The following AP2M1 variants were observed in gnomAD, a reference collection of about 807,000 sequenced individuals.
AP2M1 encodes adaptor related protein complex 2 subunit mu 1.
In AP2M1, 5 loss-of-function variants were observed where a neutral mutation model predicts 54.5. The ratio of observed to expected loss-of-function variants is 0.09; its 90% CI spans 0.05 to 0.19. The LOEUF is 0.19. Ranked by LOEUF, AP2M1 falls within the 10% of genes least tolerant of loss-of-function variation. AP2M1 has a pLI of 1.00. For synonymous variants in AP2M1, 186 were observed against 208.2 expected (o/e 0.89, Z 0.92); for missense variants, 178 against 580.2 (o/e 0.31, Z 7.12).
Position 184,180,470 on chromosome 3 carries a change from C to G in AP2M1, c.424-175C>G. ...TCTATTACCAGGAATACAGCTCAAG[C>G]AGTTTCCTTTTGCACTGAGGGGTGG... On this transcript the variant is annotated intron_variant, in intron 4 of 11. Coordinates refer to ENST00000292807, the MANE Select transcript of AP2M1 (RefSeq NM_004068.4). The surrounding 1 kb of genome is among the most constrained non-coding windows in gnomAD (Gnocchi z 4.9). 8.9e-7 allele frequency: 1 copy of G among 1,118,078 alleles called. No individual in the cohort carries two copies. The highest frequency in any genetic ancestry group is 1.3e-6 in the Non-Finnish European group (1 of 770,914). The allele number at this position is 1,118,078 out of a possible 1,614,324, so 69.3% of individuals were successfully genotyped here.
rs2231216 is a variant in AP2M1, at chr3:184,178,853, T to C, written c.75-4T>C. Reference sequence around the variant, plus strand: ...AGCAGGCCCTATGCACTCTTTTCCCTCAGGAGGAACGCAGTGGATGCCTTT... The same window carrying C: ...AGCAGGCCCTATGCACTCTTTTCCCCCAGGAGGAACGCAGTGGATGCCTTT... On this transcript the variant is annotated splice_polypyrimidine_tract_variant and splice_region_variant and intron_variant, in intron 2 of 11. Transcript: ENST00000292807. The surrounding 1 kb of genome is among the most constrained non-coding windows in gnomAD (Gnocchi z 4.9). The C allele has an allele frequency of 0.48, 774,335 of 1,612,810 alleles. 189,975 individuals are homozygous for C. Among genetic ancestry groups the C allele is most frequent in the East Asian group, 0.58 (26,022 of 44,838 alleles).
chr3:184,178,749 TC>T lies in AP2M1; in HGVS notation c.75-107del. 7.2e-7 allele frequency: 1 copy of T among 1,386,936 alleles called. No individual in the cohort carries two copies. The highest frequency in any genetic ancestry group is 9.9e-7 in the Non-Finnish European group (1 of 1,013,840). 85.9% of individuals were successfully genotyped at this position (1,386,936 alleles called of 1,614,324 possible). A position where few individuals can be genotyped will look rare whatever the true frequency, so the allele number is the denominator to read the frequency against. Reference sequence around the variant, plus strand: ...ATTGGCTTTCTTTGGAGTGTGTGTGTCAGACTTCTGCAGAAAGGAGGGTGGG... The same window carrying T: ...ATTGGCTTTCTTTGGAGTGTGTGTGTAGACTTCTGCAGAAAGGAGGGTGGG... On this transcript the variant is annotated intron_variant, in intron 2 of 11. Transcript: ENST00000292807. This position sits in a 1 kb window ranked among gnomAD's most constrained non-coding sequence, Gnocchi z 4.9.
Position 184,181,254 on chromosome 3 carries a change from G to T in AP2M1, c.707+28G>T. On this transcript the variant is annotated intron_variant, in intron 7 of 11. Coordinates refer to ENST00000292807, the MANE Select transcript of AP2M1 (RefSeq NM_004068.4). This position sits in a 1 kb window ranked among gnomAD's most constrained non-coding sequence, Gnocchi z 5.7. ...GCCTGAGGCAGGAGAGCTGGTGGGA[G>T]AGGGTGTCCCTTGGAGGGCTCAGTG... 6.2e-7 allele frequency: 1 copy of T among 1,613,302 alleles called. No homozygotes were observed. The highest frequency in any genetic ancestry group is 1.3e-5 in the African/African-American group (1 of 75,072).
rs1325820757 is a variant in AP2M1, at chr3:184,182,163, A to T, written c.976A>T (p.Thr326Ser). ...LAQKIEVRIP[T>S]PLNTSGVQVI... The stretch of plus-strand genomic sequence containing the variant: ...GTGTCACTTCTAGGTGAGGATCCCA[A>T]CCCCACTGAACACAAGCGGGGTGCA... The change falls in exon 10 of 12, where the codon ACC becomes TCC. Residue 326 changes from threonine (T) to serine (S), a missense_variant. Thr to Ser is a moderately conservative substitution (Grantham distance 58). This residue lies in a region of AP2M1 where 59 missense variants were observed against 176.8 expected (regional missense o/e 0.33). Transcript: ENST00000292807. This position sits in a 1 kb window ranked among gnomAD's most constrained non-coding sequence, Gnocchi z 5.5. 6.2e-7 allele frequency: 1 copy of T among 1,614,106 alleles called. No individual in the cohort carries two copies. The highest frequency in any genetic ancestry group is 8.5e-7 in the Non-Finnish European group (1 of 1,179,994).
In AP2M1 at chr3:184,182,640, TCTC is replaced by T. The variant is rs767868480; in HGVS notation, c.1062-114_1062-112del. 34 of 806,222 alleles carry T rather than the reference TCTC, an allele frequency of 4.2e-5. No homozygotes were observed. In the East Asian group the frequency reaches 4.2e-4, roughly 10 times the overall value. 49.9% of individuals were successfully genotyped at this position (806,222 alleles called of 1,614,324 possible). On this transcript the variant is annotated intron_variant, in intron 10 of 11. Transcript: ENST00000292807. This position sits in a 1 kb window ranked among gnomAD's most constrained non-coding sequence, Gnocchi z 5.5. ...AGTGGTTAGCAGGGTCCTGACCACT[TCTC>T]CTTGTTCTGGCACCTCCTGCAAGCT...
chr3:184,181,611 G>C lies in AP2M1; in HGVS notation c.708-85G>C. ...TTCTAGCAGCTTTTCATAGTCTCTGGTGCCAGCCTGGGGTGGAGTGGTCTC... is the reference window on the plus strand; with the variant it reads ...TTCTAGCAGCTTTTCATAGTCTCTGCTGCCAGCCTGGGGTGGAGTGGTCTC... On this transcript the variant is annotated intron_variant, in intron 7 of 11. Coordinates refer to ENST00000292807, the MANE Select transcript of AP2M1 (RefSeq NM_004068.4). The surrounding 1 kb of genome is among the most constrained non-coding windows in gnomAD (Gnocchi z 5.7). The C allele has an allele frequency of 6.5e-7, 1 of 1,545,130 alleles. No individual in the cohort carries two copies. The highest frequency in any genetic ancestry group is 8.9e-7 in the Non-Finnish European group (1 of 1,129,746).
In AP2M1 at chr3:184,180,117, G is replaced by A. The variant is rs926733672; in HGVS notation, c.341-52G>A. 3 of 1,580,394 alleles carry A rather than the reference G, an allele frequency of 1.9e-6. No homozygotes were observed. Among genetic ancestry groups the A allele is most frequent in the Non-Finnish European group, 2.6e-6 (3 of 1,150,596 alleles). On this transcript the variant is annotated intron_variant, in intron 3 of 11. Coordinates refer to ENST00000292807, the MANE Select transcript of AP2M1 (RefSeq NM_004068.4). This position sits in a 1 kb window ranked among gnomAD's most constrained non-coding sequence, Gnocchi z 4.9. ...GTCAGATGTGTAGGCCCAAGTAGGG[G>A]CTGGAATGAAGAAGCTCTGTCCAGG...
chr3:184,176,321 C>G (rs1715071553), intron 1 of AP2M1, among the ~76,000 whole-genome samples: 1 of 152,164 alleles, frequency 6.6e-6, no homozygotes, highest in African/African-American at 2.4e-5. Context: ...GTGCCCTTTG[C>G]CTGCTTATTC....
At position 184,182,276 on chromosome 3, in the gene AP2M1, C is replaced by T; in HGVS notation, c.1061+28C>T. The stretch of plus-strand genomic sequence containing the variant: ...GAGTCTTTCCTTCATTAGGCCACAG[C>T]AGGGCTCAAGATCCCAGTATACCCT... On this transcript the variant is annotated intron_variant, in intron 10 of 11. Transcript: ENST00000292807. The surrounding 1 kb of genome is among the most constrained non-coding windows in gnomAD (Gnocchi z 5.5). 1 of 1,607,880 alleles carries T rather than the reference C, an allele frequency of 6.2e-7. No homozygotes were observed. The highest frequency in any genetic ancestry group is 8.5e-7 in the Non-Finnish European group (1 of 1,176,486).
chr3:184,179,029 T>C lies in AP2M1; in HGVS notation c.247T>C (p.Tyr83His). 1 of 1,614,182 alleles carries C rather than the reference T, an allele frequency of 6.2e-7. No individual in the cohort carries two copies. The highest frequency in any genetic ancestry group is 8.5e-7 in the Non-Finnish European group (1 of 1,180,042). ...CGCTGCCATGGTCTTCGAATTCCTC[T>C]ATAAGATGTGTGACGTGATGGCTGC... ...VNAAMVFEFL[Y>H]KMCDVMAAYF... The change falls in exon 3 of 12, where the codon TAT (tyrosine) becomes CAT (histidine). Residue 83 changes from tyrosine to histidine, a missense_variant. By Grantham distance (83) the Tyr-to-His change is moderately conservative. Coordinates refer to ENST00000292807, the MANE Select transcript of AP2M1 (RefSeq NM_004068.4).
In AP2M1 at chr3:184,183,302, CAGGT is replaced by C. The variant is rs1715334213; in HGVS notation, c.1174-176_1174-173del. ...TTAAAGGAACTGATTCAAGGTGTCA[CAGGT>C]AGGGCTTTCTTCTTTAGTCACCTCT... On this transcript the variant is annotated intron_variant, in intron 11 of 11. Transcript: ENST00000292807. This position sits in a 1 kb window ranked among gnomAD's most constrained non-coding sequence, Gnocchi z 5.7. 6 of 803,132 alleles carry C rather than the reference CAGGT, an allele frequency of 7.5e-6. No individual in the cohort carries two copies. Among genetic ancestry groups the C allele is most frequent in the South Asian group, 5.3e-5 (3 of 56,100 alleles). 49.8% of individuals were successfully genotyped at this position (803,132 alleles called of 1,614,324 possible). A position where few individuals can be genotyped will look rare whatever the true frequency, so the allele number is the denominator to read the frequency against.
In AP2M1 at chr3:184,183,217, A is replaced by G. The variant is rs74619552; in HGVS notation, c.1174-265A>G. On this transcript the variant is annotated intron_variant, in intron 11 of 11. Coordinates refer to ENST00000292807, the MANE Select transcript of AP2M1 (RefSeq NM_004068.4). The surrounding 1 kb of genome is among the most constrained non-coding windows in gnomAD (Gnocchi z 5.7). ...TTTTCTCCACCTTATTTTTAAGTTC[A>G]TAATATTGAGCAGGATAAGTATGTT... is the stretch of plus-strand genomic sequence containing the variant. 622 of 565,958 alleles carry G rather than the reference A, an allele frequency of 1.1e-3. 2 individuals carry two copies. The highest frequency in any genetic ancestry group is 9.9e-3 in the African/African-American group (527 of 53,476). 35.1% of individuals were successfully genotyped at this position (565,958 alleles called of 1,614,324 possible).
In AP2M1 at chr3:184,182,625, A is replaced by G; in HGVS notation, c.1062-132A>G. ...CAAGTTTCCATAGCAAGTGGTTAGC[A>G]GGGTCCTGACCACTTCTCCTTGTTC... On this transcript the variant is annotated intron_variant, in intron 10 of 11. Coordinates refer to ENST00000292807, the MANE Select transcript of AP2M1 (RefSeq NM_004068.4). The surrounding 1 kb of genome is among the most constrained non-coding windows in gnomAD (Gnocchi z 5.5). 1.4e-6 allele frequency: 1 copy of G among 695,076 alleles called. No individual in the cohort carries two copies. The highest frequency in any genetic ancestry group is 2.5e-6 in the Non-Finnish European group (1 of 407,012). 43.1% of individuals were successfully genotyped at this position (695,076 alleles called of 1,614,324 possible).
chr3:184,176,479 G>C (rs1435298767), intron 1 of AP2M1, among the ~76,000 whole-genome samples: 1 of 152,206 alleles, frequency 6.6e-6, no homozygotes, highest in South Asian at 2.1e-4. Flanking sequence ...TCTCTGAAGG[G>C]TAGTGGAGCC....
At position 184,183,368 on chromosome 3, in the gene AP2M1, C is replaced by A. The variant is rs1021081600; in HGVS notation, c.1174-114C>A. The A allele has an allele frequency of 2.0e-6, 3 of 1,506,324 alleles. No individual in the cohort carries two copies. Among genetic ancestry groups the A allele is most frequent in the Non-Finnish European group, 1.8e-6 (2 of 1,117,572 alleles). The allele number at this position is 1,506,324 out of a possible 1,614,324, so 93.3% of individuals were successfully genotyped here. A position where few individuals can be genotyped will look rare whatever the true frequency, so the allele number is the denominator to read the frequency against. ...ACGCCGCCCCAGCTTCTTTCAGGAC[C>A]CCAGCCATACAAACACCTGTAGTAG... is the stretch of plus-strand genomic sequence containing the variant. On this transcript the variant is annotated intron_variant, in intron 11 of 11. Coordinates refer to ENST00000292807, the MANE Select transcript of AP2M1 (RefSeq NM_004068.4). This position sits in a 1 kb window ranked among gnomAD's most constrained non-coding sequence, Gnocchi z 5.7.
intron 2 of AP2M1, chr3:184,177,735 CCCCTTGCACG>C: frequency 3.2e-6 from 3 of 930,778 alleles, no homozygotes; most frequent in Non-Finnish European, 4.9e-6. Flanking sequence ...CATTCTGCGC[CCCCTTGCACG>C]CCCTTGTTCT....
chr3:184,183,415 C>A lies in AP2M1; in HGVS notation c.1174-67C>A, dbSNP rs1398097610. 2 of 1,598,700 alleles carry A rather than the reference C, an allele frequency of 1.3e-6. No homozygotes were observed. The highest frequency in any genetic ancestry group is 1.7e-6 in the Non-Finnish European group (2 of 1,171,302). Reference sequence around the variant, plus strand: ...GTAGCGATGAAGTAGGGCAGGGCAACGGGACTTCCCAGAGGAGAGCGGCTG... The same window carrying A: ...GTAGCGATGAAGTAGGGCAGGGCAAAGGGACTTCCCAGAGGAGAGCGGCTG... On this transcript the variant is annotated intron_variant, in intron 11 of 11. Transcript: ENST00000292807. The surrounding 1 kb of genome is among the most constrained non-coding windows in gnomAD (Gnocchi z 5.7).
chr3:184,175,049 T>G (rs1715015758), intron 1 of AP2M1, 90 bp downstream of exon 1: 1 of 397,416 alleles, frequency 2.5e-6, no homozygotes, highest in Non-Finnish European at 4.4e-6. Context: ...TGCACTGAGC[T>G]GGCGGAAAGC....
Position 184,183,686 on chromosome 3 carries a change from C to T in AP2M1, c.*70C>T, listed in dbSNP as rs1000732874. On this transcript the variant is annotated 3_prime_UTR_variant, in exon 12 of 12. Transcript: ENST00000292807. This position sits in a 1 kb window ranked among gnomAD's most constrained non-coding sequence, Gnocchi z 5.7. ...CAGGTCCAGGTGCCGCTCCCTCCCC[C>T]ACCACACATCAGTGTCTCCTCCCTC... 1.4e-5 allele frequency: 21 copies of T among 1,530,120 alleles called. No individual in the cohort carries two copies. The highest frequency in any genetic ancestry group is 2.3e-5 in the East Asian group (1 of 43,620). The allele number at this position is 1,530,120 out of a possible 1,614,324, so 94.8% of individuals were successfully genotyped here.
Sources: allele counts gnomAD v4.1 joint callset (sites outside exome capture counted in the v4.1 genomes callset), GRCh38; gene constraint gnomAD v4.1.1; regional missense constraint gnomAD v4.1.1; non-coding constraint Gnocchi (gnomAD v3.1); transcripts MANE v1.5; gene names NCBI Gene and HGNC (gene_info 2026-07-23, HGNC 2026-07-21).